Variants in EYA1 observed in about 807,000 individuals in gnomAD.
The protein encoded by EYA1 is protein phosphatase EYA1.
A neutral mutation model predicts 82.0 loss-of-function variants in EYA1; 16 were observed. The ratio of observed to expected loss-of-function variants is 0.20; its 90% CI spans 0.13 to 0.30. The LOEUF is 0.30. Ranked by LOEUF, EYA1 falls within the 10% of genes least tolerant of loss-of-function variation. The pLI is 1.00. For synonymous variants in EYA1, 261 were observed against 264.4 expected (o/e 0.99, Z 0.12); for missense variants, 633 against 730.7 (o/e 0.87, Z 1.54).
intron 2 of EYA1, among the ~76,000 whole-genome samples, chr8:71,379,074 C>T (rs769311450): frequency 9.9e-5 from 15 of 152,028 alleles, no homozygotes; most frequent in Non-Finnish European, 1.6e-4. Flanking sequence ...AGAAGAATGC[C>T]TAGGTCTTCA....
At chr8:71,378,575 T>TA (rs1828511332) in intron 2 of EYA1, among the ~76,000 whole-genome samples, 2 of 152,246 alleles carry the variant, frequency 1.3e-5, no homozygotes, top group East Asian at 1.9e-4. Flanking sequence ...AACAAGGTTT[T>TA]AAAAAATAAG....
intron 2 of EYA1, among the ~76,000 whole-genome samples, chr8:71,371,063 C>T (rs1828053520): frequency 6.6e-6 from 1 of 152,186 alleles, no homozygotes; most frequent in East Asian, 1.9e-4. Context: ...CACCCAACTC[C>T]TCCCATCCCC....
At chr8:71,471,915 GA>G in intron 2 of EYA1, among the ~76,000 whole-genome samples, 1 of 152,068 alleles carries the variant, frequency 6.6e-6, no homozygotes, top group South Asian at 2.1e-4. Flanking sequence ...CATTTAAACT[GA>G]AAAACACAAA....
chr8:71,460,519 A>T (rs1164163741), intron 2 of EYA1, among the ~76,000 whole-genome samples: 3 of 152,194 alleles, frequency 2.0e-5, no homozygotes, highest in Admixed American at 2.0e-4. Context: ...GGCCAGGAGG[A>T]GGCACTTCAG....
intron 6 of EYA1, among the ~76,000 whole-genome samples, chr8:71,320,248 A>G (rs1202814627): frequency 6.6e-6 from 1 of 152,168 alleles, no homozygotes; most frequent in Non-Finnish European, 1.5e-5. Context: ...AAGAAGAAAG[A>G]TGTGTGGCTG....
rs182232398 is a variant in EYA1, at chr8:71,351,010, C to T, written c.124+3772G>A. ...AGCCTTTGCCACGCAGAGGCTTGCA[C>T]AGATTCCCAAACATTACAAATCCTC... On this transcript the variant is annotated intron_variant, in intron 3 of 17. Coordinates refer to ENST00000340726, the MANE Select transcript of EYA1 (RefSeq NM_000503.6). 3.9e-3 allele frequency among the ~76,000 whole-genome samples: 600 copies of T among 152,318 alleles called. 4 individuals carry two copies. The highest frequency in any genetic ancestry group is 0.013 in the African/African-American group (541 of 41,580).
intron 1 of EYA1, among the ~76,000 whole-genome samples, chr8:71,536,509 C>CA (rs906060718): frequency 4.2e-4 from 64 of 150,644 alleles, no homozygotes; most frequent in African/African-American, 1.4e-3. Flanking sequence ...TAGCTATCTT[C>CA]AAAAAAAAAT....
At chr8:71,390,873 C>T (rs1829238465) in intron 2 of EYA1, among the ~76,000 whole-genome samples, 1 of 151,956 alleles carries the variant, frequency 6.6e-6, no homozygotes, top group Non-Finnish European at 1.5e-5. Context: ...ATTTCAAGTT[C>T]ACTCACTCTT....
Position 71,215,534 on chromosome 8 carries a change from A to C in EYA1, c.1476-26T>G, listed in dbSNP as rs775533092. ...CTATGAGAACAAAAAGAAAACAAAG[A>C]CTGTTGAAAAATAAATCTCCAAAAT... is the stretch of plus-strand genomic sequence containing the variant. On this transcript the variant is annotated intron_variant, in intron 15 of 17. Transcript: ENST00000340726. 7.4e-6 allele frequency: 12 copies of C among 1,612,832 alleles called. No individual in the cohort carries two copies. In the South Asian group the frequency reaches 1.3e-4, roughly 18 times the overall value.
intron 1 of EYA1, among the ~76,000 whole-genome samples, chr8:71,360,091 T>A (rs1827241595): frequency 6.6e-6 from 1 of 152,186 alleles, no homozygotes; most frequent in South Asian, 2.1e-4. Flanking sequence ...ACACTATATT[T>A]CCTTCTTTAT....
chr8:71,536,293 G>A (rs1273596576), intron 1 of EYA1, among the ~76,000 whole-genome samples: 1 of 152,100 alleles, frequency 6.6e-6, no homozygotes, highest in Non-Finnish European at 1.5e-5. Context: ...GTCTGAACAA[G>A]GATGAAAGAG....
rs183126854 is a variant in EYA1, at chr8:71,383,867, A to G, written c.34-27356T>C. Among the ~76,000 whole-genome samples, 134 of 152,240 alleles carry G rather than the reference A, an allele frequency of 8.8e-4. 1 individual carries two copies. Among genetic ancestry groups the G allele is most frequent in the Admixed American group, 7.7e-3 (117 of 15,288 alleles). On this transcript the variant is annotated intron_variant, in intron 2 of 18. Transcript: ENST00000643681. ...GGAGAATACAATACAAAAATGTTAC[A>G]TTTTACAATCTAGGTAGATGTATAC...
chr8:71,209,096 A>G (rs1386559465), intron 17 of EYA1, among the ~76,000 whole-genome samples: 3 of 152,244 alleles, frequency 2.0e-5, no homozygotes, highest in Non-Finnish European at 2.9e-5. Flanking sequence ...ACCTTGGCCT[A>G]GGGCCATACT....
chr8:71,342,025 C>G (rs970293121), intron 3 of EYA1, among the ~76,000 whole-genome samples: 1 of 152,074 alleles, frequency 6.6e-6, no homozygotes, highest in Non-Finnish European at 1.5e-5. Context: ...CTCCATGTTC[C>G]TTTTTGTTTT....
intron 2 of EYA1, among the ~76,000 whole-genome samples, chr8:71,378,327 A>T (rs968968541): frequency 6.6e-6 from 1 of 152,156 alleles, no homozygotes; most frequent in African/African-American, 2.4e-5. Context: ...AGTTGTAGGC[A>T]CTGATTGCTA....
At chr8:71,444,145 C>T (rs1806662195) in intron 2 of EYA1, among the ~76,000 whole-genome samples, 1 of 152,172 alleles carries the variant, frequency 6.6e-6, no homozygotes, top group African/African-American at 2.4e-5. Flanking sequence ...TAACCTCTAT[C>T]CAATTAATTT....
At chr8:71,230,335 C>T (rs1811047320) in intron 12 of EYA1, among the ~76,000 whole-genome samples, 1 of 152,208 alleles carries the variant, frequency 6.6e-6, no homozygotes. Context: ...AACCAAAAGC[C>T]TGTCATAGGT....
rs115056921 is a variant in EYA1, at chr8:71,237,332, G to T, written c.1140+7271C>A. Among the ~76,000 whole-genome samples the T allele has an allele frequency of 4.9e-3, 747 of 152,204 alleles. 6 individuals are homozygous for T. The highest frequency in any genetic ancestry group is 0.016 in the African/African-American group (682 of 41,524). On this transcript the variant is annotated intron_variant, in intron 12 of 17. Transcript: ENST00000340726. ...TTAGAAGTGAAATCCAACATTTTTC[G>T]TCTGTAGCTTGATAATTTGAATGCT...
intron 2 of EYA1, among the ~76,000 whole-genome samples, chr8:71,449,478 T>C (rs1357417189): frequency 6.6e-6 from 1 of 152,222 alleles, no homozygotes; most frequent in Non-Finnish European, 1.5e-5. Context: ...AAAGGGAATC[T>C]TTTTTCCTGA....
Sources: allele counts gnomAD v4.1 joint callset (sites outside exome capture counted in the v4.1 genomes callset), GRCh38; gene constraint gnomAD v4.1.1; transcripts MANE v1.5; gene names NCBI Gene and HGNC (gene_info 2026-07-23, HGNC 2026-07-21).